GOLGA3: variants seen among roughly 807,000 people sequenced by gnomAD.
GOLGA3 encodes golgin subfamily A member 3.
GOLGA3 carries 75 observed loss-of-function variants against 169.4 expected under a neutral mutation model. The ratio of observed to expected loss-of-function variants is 0.44; its 90% CI spans 0.37 to 0.54. The LOEUF is 0.54. Among genes scored for constraint, GOLGA3 ranks in the 20% least tolerant of loss-of-function variants. GOLGA3 has a pLI of 0.00. For synonymous variants in GOLGA3, 824 were observed against 822.4 expected (o/e 1.00, Z -0.03); for missense variants, 1,899 against 1,930.0 (o/e 0.98, Z 0.30).
chr12:132,813,485 G>A, intron 3 of GOLGA3, 66 bp from the exon 4 acceptor site: 1 of 862,836 alleles, frequency 1.2e-6, no homozygotes, highest in Middle Eastern at 2.3e-4. Context: ...TCAGGCACAA[G>A]AACTTGGTCA....
At chr12:132,812,190 A>AACACACACAC (rs1300045838) in intron 4 of GOLGA3, among the ~76,000 whole-genome samples, 8 of 23,526 alleles carry the variant, frequency 3.4e-4, no homozygotes, top group Non-Finnish European at 7.0e-4. Flanking sequence ...TCTGTCTCAA[A>AACACACACAC]ATACACACAC....
At chr12:132,794,891 A>G (rs1948753519) in intron 11 of GOLGA3, among the ~76,000 whole-genome samples, 1 of 152,180 alleles carries the variant, frequency 6.6e-6, no homozygotes, top group Non-Finnish European at 1.5e-5. Flanking sequence ...CTTGATCCTT[A>G]TAGAGTGGGA....
rs535816739 is a variant in GOLGA3, at chr12:132,803,259, C to T, written c.1598-1290G>A. On this transcript the variant is annotated intron_variant, in intron 7 of 23. Coordinates refer to ENST00000450791, the MANE Select transcript of GOLGA3 (RefSeq NM_001389683.1). ...CTCAGCGGGCGCCTAGGATGACTCA[C>T]GTACTCTGCTGCTCCACACGTGTCC... Among the ~76,000 whole-genome samples, 29 of 152,308 alleles carry T rather than the reference C, an allele frequency of 1.9e-4. 1 individual carries two copies. In the South Asian group the frequency reaches 3.9e-3, roughly 21 times the overall value.
At chr12:132,782,624 C>T (rs2045667305) in intron 16 of GOLGA3, 131 bp from the exon 17 acceptor site, 2 of 728,324 alleles carry the variant, frequency 2.7e-6, no homozygotes, top group African/African-American at 1.7e-5. Context: ...CGCCTGTAAT[C>T]ACAGCACATT....
chr12:132,775,164 G>C lies in GOLGA3; in HGVS notation c.4120C>G (p.Leu1374Val), dbSNP rs7952768. 3.7e-6 allele frequency: 6 copies of C among 1,614,004 alleles called. No homozygotes were observed. The highest frequency in any genetic ancestry group is 5.1e-6 in the Non-Finnish European group (6 of 1,180,024). Residue 1374 changes from leucine (L) to valine (V), a missense_variant, in exon 22 of 24, where the codon CTA (leucine) becomes GTA (valine). Coordinates refer to ENST00000450791, the MANE Select transcript of GOLGA3 (RefSeq NM_001389683.1). ...LQQNQQLKLD[L>V]RRGAAKTRKE... The stretch of plus-strand genomic sequence containing the variant: ...ACCGTCTTGGCCGCGCCGCGGCGTA[G>C]GTCCAGCTTGAGCTGCTGGTTCTGC...
At position 132,808,192 on chromosome 12, in the gene GOLGA3, T is replaced by C; in HGVS notation, c.877A>G (p.Thr293Ala). 1 of 1,613,532 alleles carries C rather than the reference T, an allele frequency of 6.2e-7. No homozygotes were observed. Among genetic ancestry groups the C allele is most frequent in the Non-Finnish European group, 8.5e-7 (1 of 1,179,534 alleles). The part of the protein sequence containing the change: ...VVSEISLSPD[T>A]DDRLENTSLA... ...GAGGTGTTCTCCAGACGGTCGTCAG[T>C]GTCGGGGGACAGGCTGATCTCAGAC... Residue 293 changes from threonine (T) to alanine (A), a missense_variant, in exon 5 of 24, where the codon ACT becomes GCT. Transcript: ENST00000450791.
At chr12:132,786,266 A>G (rs2045892916) in intron 15 of GOLGA3, 73 bp downstream of exon 15, 2 of 1,049,370 alleles carry the variant, frequency 1.9e-6, no homozygotes, top group Non-Finnish European at 2.8e-6. Flanking sequence ...TTAGGGGACA[A>G]CTGCTGATGG....
At chr12:132,780,020 C>T (rs2136292019) in intron 18 of GOLGA3, among the ~76,000 whole-genome samples, 1 of 146,104 alleles carries the variant, frequency 6.8e-6, no homozygotes, top group African/African-American at 2.6e-5. Context: ...TGCGCACACA[C>T]ACCACAGCCC....
At chr12:132,819,790 A>G (rs1338989242) in intron 2 of GOLGA3, among the ~76,000 whole-genome samples, 1 of 152,222 alleles carries the variant, frequency 6.6e-6, no homozygotes, top group East Asian at 1.9e-4. Flanking sequence ...CTGTAATCCC[A>G]GCACTTTGGG....
At chr12:132,825,807 AC>A in intron 1 of GOLGA3, 3 of 657,158 alleles carry the variant, frequency 4.6e-6, no homozygotes, top group African/African-American at 1.7e-5. Flanking sequence ...CTCCTGCGGT[AC>A]TACAAGAACA....
rs760419637 is a variant in GOLGA3, at chr12:132,825,577, A to G, written c.-184+3226T>C. 71 of 620,934 alleles carry G rather than the reference A, an allele frequency of 1.1e-4. 1 individual carries two copies. Among genetic ancestry groups the G allele is most frequent in the Non-Finnish European group, 1.7e-4 (59 of 345,724 alleles). 38.5% of individuals were successfully genotyped at this position (620,934 alleles called of 1,614,324 possible). ...AGTATTTGAATCCTGGAGCATCAAC[A>G]CTGCCTTTTAAAATACAGCAAAGTC... On this transcript the variant is annotated intron_variant, in intron 1 of 23. Transcript: ENST00000450791.
At chr12:132,801,700 GA>G in intron 8 of GOLGA3, 66 bp downstream of exon 8, 5 of 1,451,552 alleles carry the variant, frequency 3.4e-6, no homozygotes, top group Non-Finnish European at 3.8e-6. Context: ...AAAATCTCAG[GA>G]AAAAGCACCG....
Position 132,772,565 on chromosome 12 carries a change from A to AC in GOLGA3, c.*539dup, listed in dbSNP as rs146733732. On this transcript the variant is annotated 3_prime_UTR_variant, in exon 24 of 24. Coordinates refer to ENST00000450791, the MANE Select transcript of GOLGA3 (RefSeq NM_001389683.1). ...TCTCAAAAAAAAAAAAAAAAAAAAA[A>AC]CAAAGATTGGATTATGATATTCAGT... The AC allele has an allele frequency of 6.7e-6, 1 of 149,190 alleles. No individual in the cohort carries two copies. The highest frequency in any genetic ancestry group is 1.5e-5 in the Non-Finnish European group (1 of 67,512). 9.2% of individuals were successfully genotyped at this position (149,190 alleles called of 1,614,324 possible).
intron 8 of GOLGA3, among the ~76,000 whole-genome samples, 190 bp downstream of exon 8, chr12:132,801,577 T>C (rs935888460): frequency 2.6e-5 from 4 of 151,422 alleles, no homozygotes; most frequent in African/African-American, 7.3e-5. Context: ...TGTCAGAAGG[T>C]TGGGGGGGGG....
chr12:132,774,715 A>G, intron 22 of GOLGA3: 1 of 404,070 alleles, frequency 2.5e-6, no homozygotes, highest in Non-Finnish European at 4.4e-6. Flanking sequence ...AACTTTTTCC[A>G]CAGATAAGCA....
rs117475079 is a variant in GOLGA3, at chr12:132,797,831, G to A, written c.1938+509C>T. Among the ~76,000 whole-genome samples, 4 of 152,346 alleles carry A rather than the reference G, an allele frequency of 2.6e-5. No individual in the cohort carries two copies. The East Asian group carries it at 7.7e-4, about 29-fold the overall frequency. ...CTCTGGAGATGGCTGTGCAGGCAGC[G>A]GCCATGACCTCGACAGCGTGTGGTT... On this transcript the variant is annotated intron_variant, in intron 9 of 23. Coordinates refer to ENST00000450791, the MANE Select transcript of GOLGA3 (RefSeq NM_001389683.1).
intron 1 of GOLGA3, chr12:132,828,453 A>C (rs940337193): frequency 1.3e-5 from 2 of 152,230 alleles, no homozygotes; most frequent in African/African-American, 4.8e-5. Flanking sequence ...ACCCGACACC[A>C]TGTCACGCCT....
At chr12:132,797,043 T>TA (rs1262525166) in intron 9 of GOLGA3, among the ~76,000 whole-genome samples, 1 of 152,200 alleles carries the variant, frequency 6.6e-6, no homozygotes, top group Non-Finnish European at 1.5e-5. Flanking sequence ...TGCTACCGGG[T>TA]AAGAGACCAG....
intron 11 of GOLGA3, 26 bp downstream of exon 11, chr12:132,795,826 A>C: frequency 6.3e-7 from 1 of 1,598,960 alleles, no homozygotes; most frequent in Non-Finnish European, 8.6e-7. Context: ...TTCTGATTCA[A>C]AACAAAACAC....
Sources: gnomAD v4.1 joint callset for allele counts (sites outside exome capture counted in the v4.1 genomes callset) on GRCh38, gnomAD v4.1.1 for gene constraint, MANE v1.5 for transcripts, NCBI Gene and HGNC (gene_info 2026-07-23, HGNC 2026-07-21) for gene names.